The following CCDC197 variants were observed in gnomAD, a reference collection of about 807,000 sequenced individuals.
CCDC197 encodes coiled-coil domain containing 197.
A neutral mutation model predicts 13.4 loss-of-function variants in CCDC197; 24 were observed. That is an observed-to-expected ratio of 1.80 (90% CI 1.30 to 2.53). The LOEUF (loss-of-function observed/expected upper bound fraction) is 2.53, where lower values mean the gene tolerates loss of function less well. Among genes scored for constraint, CCDC197 ranks in the 30% most tolerant of loss-of-function variants. The probability of loss-of-function intolerance (pLI) is 0.00; values close to 1 mark genes in which losing one functional copy is unlikely to be tolerated. For missense variants in CCDC197, 255 were observed against 148.8 expected (o/e 1.71, Z -3.71); for synonymous variants, 99 against 55.5 (o/e 1.78, Z -3.48).
Position 94,002,143 on chromosome 14 carries a change from C to T in CCDC197, c.366+820C>T, listed in dbSNP as rs148881163. Among the ~76,000 whole-genome samples, 8 of 152,316 alleles carry T rather than the reference C, an allele frequency of 5.3e-5. No individual in the cohort carries two copies. The East Asian group carries it at 1.5e-3, about 29-fold the overall frequency. ...GGGACTAGGGAAAGGCAAGTCCAGC[C>T]ATGCTATTCTTCCCATTTTCGAGGG... On this transcript the variant is annotated intron_variant, in intron 4 of 6. Coordinates refer to ENST00000636493, the MANE Select transcript of CCDC197 (RefSeq NM_001351596.2).
chr14:93,990,240 C>A (rs1426510434), intron 1 of CCDC197, among the ~76,000 whole-genome samples: 1 of 152,156 alleles, frequency 6.6e-6, no homozygotes, highest in Non-Finnish European at 1.5e-5. Context: ...ACATTCACAG[C>A]CCCAGGGACT....
At chr14:93,997,079 G>A (rs1412887616), upstream of CCDC197, 1 of 152,326 alleles carries the variant, frequency 6.6e-6, no homozygotes, top group Non-Finnish European at 1.5e-5. Context: ...TGACAGAAAG[G>A]ACAAAAATAG....
intron 1 of CCDC197, among the ~76,000 whole-genome samples, chr14:93,988,333 G>C (rs111068082): frequency 8.8e-6 from 1 of 113,192 alleles, no homozygotes; most frequent in Admixed American, 8.6e-5. Flanking sequence ...GGAGGGGAAG[G>C]GAGGAGCAGA....
intron 1 of CCDC197, among the ~76,000 whole-genome samples, chr14:93,991,609 T>C (rs1890212185): frequency 6.6e-6 from 1 of 152,226 alleles, no homozygotes; most frequent in Admixed American, 6.5e-5. Flanking sequence ...GTCCCAGTCC[T>C]TGACCTCATG....
Position 94,003,401 on chromosome 14 carries a change from G to A in CCDC197, c.498+47G>A, listed in dbSNP as rs2141374776. ...GGGGGTGGGGTTAGGGGTGGGGAAG[G>A]GGAAGCTGATGTCTCCATCATCAAT... On this transcript the variant is annotated intron_variant, in intron 5 of 6. Coordinates refer to ENST00000636493, the MANE Select transcript of CCDC197 (RefSeq NM_001351596.2). This position sits in a 1 kb window ranked among gnomAD's most constrained non-coding sequence, Gnocchi z 5.0. The A allele has an allele frequency of 1.5e-6, 1 of 685,104 alleles. No homozygotes were observed. Among genetic ancestry groups the A allele is most frequent in the East Asian group, 2.8e-5 (1 of 36,240 alleles). 42.4% of individuals were successfully genotyped at this position (685,104 alleles called of 1,614,324 possible). A position where few individuals can be genotyped will look rare whatever the true frequency, so the allele number is the denominator to read the frequency against.
In CCDC197 at chr14:94,003,646, C is replaced by T. The variant is rs4905139; in HGVS notation, c.498+292C>T. 0.22 allele frequency among the ~76,000 whole-genome samples: 33,504 copies of T among 151,804 alleles called. 4,434 individuals are homozygous for T. The highest frequency in any genetic ancestry group is 0.39 in the East Asian group (1,995 of 5,160). On this transcript the variant is annotated intron_variant, in intron 5 of 6. Coordinates refer to ENST00000636493, the MANE Select transcript of CCDC197 (RefSeq NM_001351596.2). This position sits in a 1 kb window ranked among gnomAD's most constrained non-coding sequence, Gnocchi z 5.0. ...ACACACACACAGACATGCAAACACA[C>T]GCACAGACACACAGACACATACACA...
intron 2 of CCDC197, 83 bp downstream of exon 2, chr14:93,998,318 C>T (rs866985762): frequency 2.8e-6 from 2 of 715,706 alleles, no homozygotes. Flanking sequence ...CAAACATGTC[C>T]CCGAGGAGGC....
upstream of CCDC197, among the ~76,000 whole-genome samples, chr14:93,996,104 C>A (rs1363744493): frequency 6.6e-6 from 1 of 152,284 alleles, no homozygotes; most frequent in Admixed American, 6.5e-5. Context: ...CTGGGGGACT[C>A]CCCCACCCCT....
At chr14:93,993,211 G>A (rs1410221472), upstream of CCDC197, among the ~76,000 whole-genome samples, 5 of 152,112 alleles carry the variant, frequency 3.3e-5, no homozygotes, top group African/African-American at 4.8e-5. Context: ...CAAAACTAAC[G>A]CCCATCGAAT....
At chr14:93,992,215 G>A (rs1323359430) in intron 1 of CCDC197, among the ~76,000 whole-genome samples, 1 of 152,206 alleles carries the variant, frequency 6.6e-6, no homozygotes, top group Non-Finnish European at 1.5e-5. Context: ...GCTGCCAGGT[G>A]GAGAGTGGCC....
At chr14:94,002,901 C>T (rs1299609356) in intron 4 of CCDC197, among the ~76,000 whole-genome samples, 3 of 151,378 alleles carry the variant, frequency 2.0e-5, no homozygotes, top group Non-Finnish European at 4.4e-5. Context: ...TTAATGGACT[C>T]GCAGTTCTAC....
rs754019660 is a variant in CCDC197 at position 94,008,619 on chromosome 14, TG to T, written c.628del (p.Asp210ThrfsTer6). 1.7e-5 allele frequency: 12 copies of T among 701,782 alleles called. No individual in the cohort carries two copies. In the South Asian group the frequency reaches 1.8e-4, roughly 10 times the overall value. 43.5% of individuals were successfully genotyped at this position (701,782 alleles called of 1,614,324 possible). A position where few individuals can be genotyped will look rare whatever the true frequency, so the allele number is the denominator to read the frequency against. On this transcript the variant is annotated frameshift_variant, in exon 7 of 7. Coordinates refer to ENST00000636493, the MANE Select transcript of CCDC197 (RefSeq NM_001351596.2). LOFTEE classifies it low-confidence loss of function (END_TRUNC). ...TATTTTCCCTCCCAGGAGTTCATGT[TG>T]GACAAAATGGAGACTGTAAGACTGA... ...SKLDLIKEFM[L>X]DKMETVRLIA... is the part of the protein sequence containing the mutation.
At chr14:94,005,381 G>A (rs1890652666) in intron 6 of CCDC197, among the ~76,000 whole-genome samples, 1 of 152,166 alleles carries the variant, frequency 6.6e-6, no homozygotes, top group East Asian at 1.9e-4. Flanking sequence ...ATACAAACAG[G>A]TATGATCACA....
At chr14:93,995,450 C>A (rs1313421775), upstream of CCDC197, among the ~76,000 whole-genome samples, 1 of 152,176 alleles carries the variant, frequency 6.6e-6, no homozygotes, top group Non-Finnish European at 1.5e-5. Flanking sequence ...GCCCAGTTGT[C>A]CCTGAGCCTC....
At chr14:93,988,198 AGGAGGGTATGG>A (rs2141337021) in intron 1 of CCDC197, among the ~76,000 whole-genome samples, 1 of 97,888 alleles carries the variant, frequency 1.0e-5, no homozygotes, top group Non-Finnish European at 2.0e-5. Flanking sequence ...AGGGAATGGG[AGGAGGGTATGG>A]GAGAGGGGAT....
rs1166387317 is a variant in CCDC197 at position 94,001,473 on chromosome 14, C to T, written c.366+150C>T. ...CGGTGGGGCTGTCGCTCCTGAGCCG[C>T]CTTCCATATCCCCTTCCTCTCCCCT... is the stretch of plus-strand genomic sequence containing the variant. On this transcript the variant is annotated intron_variant, in intron 4 of 6. Transcript: ENST00000636493. The T allele has an allele frequency of 1.5e-5, 8 of 551,134 alleles. No homozygotes were observed. In the Middle Eastern group the frequency reaches 2.2e-3, roughly 152 times the overall value. 34.1% of individuals were successfully genotyped at this position (551,134 alleles called of 1,614,324 possible).
intron 4 of CCDC197, 107 bp downstream of exon 4, chr14:94,001,430 G>T (rs1042760804): frequency 3.5e-6 from 2 of 566,070 alleles, no homozygotes; most frequent in Non-Finnish European, 6.3e-6. Flanking sequence ...GAGCAGCGGC[G>T]TAATGCTGGG....
chr14:93,999,375 T>A, intron 2 of CCDC197: 1 of 553,484 alleles, frequency 1.8e-6, no homozygotes, highest in Non-Finnish European at 3.2e-6. Flanking sequence ...GCTATGGGCG[T>A]TTATTTGATC....
At chr14:94,001,472 G>A (rs1890506993) in intron 4 of CCDC197, 149 bp downstream of exon 4, 2 of 552,006 alleles carry the variant, frequency 3.6e-6, no homozygotes, top group South Asian at 2.3e-5. Flanking sequence ...CTCCTGAGCC[G>A]CCTTCCATAT....
Sources: allele counts gnomAD v4.1 joint callset (sites outside exome capture counted in the v4.1 genomes callset), GRCh38; gene constraint gnomAD v4.1.1; non-coding constraint Gnocchi (gnomAD v3.1); transcripts MANE v1.5; gene names NCBI Gene and HGNC (gene_info 2026-07-23, HGNC 2026-07-21).